The following USP15 variants were observed in gnomAD, a reference collection of about 807,000 sequenced individuals.
USP15 encodes the protein ubiquitin carboxyl-terminal hydrolase 15.
USP15 carries 18 observed loss-of-function variants against 127.1 expected under a neutral mutation model. The ratio of observed to expected loss-of-function variants is 0.14; its 90% confidence interval spans 0.10 to 0.21. USP15 has a LOEUF of 0.21. Ranked by LOEUF, USP15 falls within the 10% of genes least tolerant of loss-of-function variation. The pLI, the probability that USP15 is intolerant of heterozygous loss-of-function variation, is 1.00. For synonymous variants in USP15, 364 were observed against 393.7 expected (o/e 0.92, Z 0.89); for missense variants, 805 against 1,159.9 (o/e 0.69, Z 4.44).
chr12:62,396,768 A>G (rs1297400302), intron 20 of USP15, among the ~76,000 whole-genome samples: 2 of 152,144 alleles, frequency 1.3e-5, no homozygotes, highest in Admixed American at 6.5e-5. Context: ...CTAGGTCTCG[A>G]CACTTATGAA....
chr12:62,398,749 G>T (rs2067579868), intron 20 of USP15, among the ~76,000 whole-genome samples: 1 of 152,122 alleles, frequency 6.6e-6, no homozygotes, highest in African/African-American at 2.4e-5. Context: ...TCCCCATTTA[G>T]ATACAGAGTT....
rs890214427 is a variant in USP15 at position 62,410,087 on chromosome 12, T to C, written c.*5712T>C. ...CTCTCTTCTAACCTTGAGTCATTTC[T>C]ATTAAATACAGCATTTAATCTTCTT... On this transcript the variant is annotated 3_prime_UTR_variant, in exon 22 of 22. Transcript: ENST00000280377. 2.0e-5 allele frequency: 3 copies of C among 152,194 alleles called. No homozygotes were observed. Among genetic ancestry groups the C allele is most frequent in the African/African-American group, 7.2e-5 (3 of 41,478 alleles). 9.4% of individuals were successfully genotyped at this position (152,194 alleles called of 1,614,324 possible). A position where few individuals can be genotyped will look rare whatever the true frequency, so the allele number is the denominator to read the frequency against.
At chr12:62,316,088 C>T (rs1273577968) in intron 4 of USP15, among the ~76,000 whole-genome samples, 1 of 151,968 alleles carries the variant, frequency 6.6e-6, no homozygotes, top group African/African-American at 2.4e-5. Context: ...AGTTCGAGAC[C>T]AGCCTGGCCA....
intron 1 of USP15, chr12:62,267,334 A>G (rs150361053): frequency 6.6e-6 from 1 of 152,288 alleles, no homozygotes. Context: ...TAAGCCTAGT[A>G]AGTAGCCTCA....
chr12:62,323,095 C>G (rs1376697591), intron 5 of USP15, among the ~76,000 whole-genome samples: 1 of 152,176 alleles, frequency 6.6e-6, no homozygotes, highest in East Asian at 1.9e-4. Flanking sequence ...TCAGCCTTCC[C>G]TATTTCTCTC....
At chr12:62,360,132 G>A (rs1763251030) in intron 8 of USP15, among the ~76,000 whole-genome samples, 1 of 152,040 alleles carries the variant, frequency 6.6e-6, no homozygotes, top group African/African-American at 2.4e-5. Context: ...TTGAAGCAGG[G>A]GAGTAATGTG....
intron 11 of USP15, among the ~76,000 whole-genome samples, chr12:62,385,261 T>C (rs564515234): frequency 5.3e-5 from 8 of 152,040 alleles, no homozygotes; most frequent in Admixed American, 3.9e-4. Context: ...AAAAAAGATA[T>C]GATTCCTGCT....
intron 8 of USP15, among the ~76,000 whole-genome samples, chr12:62,362,038 C>A (rs183740633): frequency 8.8e-4 from 134 of 152,138 alleles, no homozygotes; most frequent in South Asian, 6.0e-3. Flanking sequence ...TTGTTTTTCA[C>A]TTAATTTTCT....
At chr12:62,285,125 T>C (rs2063753563) in intron 1 of USP15, among the ~76,000 whole-genome samples, 1 of 152,170 alleles carries the variant, frequency 6.6e-6, no homozygotes, top group Non-Finnish European at 1.5e-5. Flanking sequence ...TTTTTATAGA[T>C]TTAGGGACTA....
Position 62,404,300 on chromosome 12 carries a change from C to T in USP15, c.2871C>T (p.Ile957=), listed in dbSNP as rs1335912604. ...AAGGTGCTTCAGCTGCCACTGGCAT[C>T]CCATTAGAAAGTGATGAAGATAGCA... ...ETKGASAATG[I]PLESDEDSND... Residue 957 remains isoleucine (I), a synonymous_variant, in exon 22 of 22, where the codon ATC becomes ATT. Transcript: ENST00000280377. 1.9e-6 allele frequency: 3 copies of T among 1,613,162 alleles called. No individual in the cohort carries two copies. Among genetic ancestry groups the T allele is most frequent in the Non-Finnish European group, 2.5e-6 (3 of 1,179,344 alleles).
intron 11 of USP15, among the ~76,000 whole-genome samples, chr12:62,387,116 C>A (rs2137594977): frequency 6.6e-6 from 1 of 152,200 alleles, no homozygotes. Context: ...ATTGGATATG[C>A]TGACTTACAG....
At chr12:62,315,413 A>G (rs980176199) in intron 4 of USP15, among the ~76,000 whole-genome samples, 3 of 151,900 alleles carry the variant, frequency 2.0e-5, no homozygotes, top group South Asian at 2.1e-4. Flanking sequence ...TTCTCTCTAT[A>G]TATTAAAATA....
intron 21 of USP15, among the ~76,000 whole-genome samples, chr12:62,402,568 T>C (rs1437095941): frequency 6.6e-6 from 1 of 151,922 alleles, no homozygotes; most frequent in African/African-American, 2.4e-5. Flanking sequence ...AAGAAAACGG[T>C]ATCTACAAAA....
intron 1 of USP15, among the ~76,000 whole-genome samples, chr12:62,282,199 A>G (rs2063670153): frequency 6.6e-6 from 1 of 152,058 alleles, no homozygotes; most frequent in Non-Finnish European, 1.5e-5. Context: ...TTTGTGGCAC[A>G]TGCCTGTAGT....
At chr12:62,335,911 T>A (rs2065447412) in intron 6 of USP15, 6 of 985,332 alleles carry the variant, frequency 6.1e-6, no homozygotes, top group Non-Finnish European at 7.2e-6. Context: ...TGCCAAGGAC[T>A]TTGCCTCTCT....
At chr12:62,315,610 G>A (rs75163475) in intron 4 of USP15, among the ~76,000 whole-genome samples, 3,340 of 152,040 alleles carry the variant, frequency 0.022, 122 homozygotes, top group African/African-American at 0.075. Flanking sequence ...AAGATTAATG[G>A]TAATACCATT....
In USP15 at chr12:62,344,442, C is replaced by CT. The variant is rs768615254; in HGVS notation, c.684-4778dup. The stretch of plus-strand genomic sequence containing the variant: ...CCCACAGCCTTGAGCAGCTCTTTCC[C>CT]TGTGGCTTTGCAGGGTGTAGCCCCA... On this transcript the variant is annotated intron_variant, in intron 6 of 21. Coordinates refer to ENST00000280377, the MANE Select transcript of USP15 (RefSeq NM_001252078.2). Among the ~76,000 whole-genome samples, 71 of 152,328 alleles carry CT rather than the reference C, an allele frequency of 4.7e-4. 1 individual carries two copies. The highest frequency in any genetic ancestry group is 8.5e-4 in the Non-Finnish European group (58 of 68,032).
chr12:62,303,999 A>G (rs368664666), intron 3 of USP15, among the ~76,000 whole-genome samples: 1 of 151,346 alleles, frequency 6.6e-6, no homozygotes, highest in Non-Finnish European at 1.5e-5. Context: ...AAAACTGTCT[A>G]GAATTATTTC....
chr12:62,337,232 C>G (rs1480023745), intron 6 of USP15, among the ~76,000 whole-genome samples: 1 of 152,030 alleles, frequency 6.6e-6, no homozygotes, highest in Non-Finnish European at 1.5e-5. Flanking sequence ...CACAGCCTTC[C>G]TTCATTCATT....
Sources: allele counts gnomAD v4.1 joint callset (sites outside exome capture counted in the v4.1 genomes callset), GRCh38; gene constraint gnomAD v4.1.1; transcripts MANE v1.5; gene names NCBI Gene and HGNC (gene_info 2026-07-23, HGNC 2026-07-21).